The following ANKRD28 variants were observed in gnomAD, a reference collection of about 807,000 sequenced individuals.
ANKRD28 encodes the protein serine/threonine-protein phosphatase 6 regulatory ankyrin repeat subunit A.
ANKRD28 carries 44 observed loss-of-function variants against 126.5 expected under a neutral mutation model. The ratio of observed to expected loss-of-function variants is 0.35; its 90% CI spans 0.27 to 0.45. ANKRD28 has a LOEUF of 0.45. Among genes scored for constraint, ANKRD28 ranks in the 20% least tolerant of loss-of-function variants. The pLI, the probability that ANKRD28 is intolerant of heterozygous loss-of-function variation, is 1.00. For synonymous variants in ANKRD28, 442 were observed against 468.5 expected (o/e 0.94, Z 0.73); for missense variants, 1,110 against 1,316.6 (o/e 0.84, Z 2.43).
chr3:15,811,353 A>G (rs1008416594), intron 1 of ANKRD28, among the ~76,000 whole-genome samples: 6 of 152,214 alleles, frequency 3.9e-5, no homozygotes, highest in African/African-American at 1.4e-4. Flanking sequence ...TTGGTAGCTA[A>G]AAAAGCAGAA....
At chr3:15,783,663 G>C (rs1026491752) in intron 2 of ANKRD28, among the ~76,000 whole-genome samples, 53 of 152,014 alleles carry the variant, frequency 3.5e-4, no homozygotes, top group Non-Finnish European at 7.4e-4. Context: ...CATTACAATG[G>C]AATACTACTC....
intron 4 of ANKRD28, among the ~76,000 whole-genome samples, chr3:15,746,636 T>C (rs1165990063): frequency 1.3e-5 from 2 of 152,226 alleles, no homozygotes; most frequent in Non-Finnish European, 2.9e-5. Context: ...TGAGGACTTA[T>C]GCATCTATGC....
At position 15,669,668 on chromosome 3, in the gene ANKRD28, G is replaced by GT. The variant is rs2066170516; in HGVS notation, c.*601dup. ...ATACAGCATTGGAAGGCTTTCAGAT[G>GT]TTTTCTTAAAAAAAAAACAAAACCC... On this transcript the variant is annotated 3_prime_UTR_variant, in exon 28 of 28. Transcript: ENST00000683139. The GT allele has an allele frequency of 1.3e-5, 2 of 151,620 alleles. No homozygotes were observed. The highest frequency in any genetic ancestry group is 4.9e-5 in the African/African-American group (2 of 41,168). The allele number at this position is 151,620 out of a possible 1,614,324, so 9.4% of individuals were successfully genotyped here. A position where few individuals can be genotyped will look rare whatever the true frequency, so the allele number is the denominator to read the frequency against.
At chr3:15,760,581 A>C (rs2058405872) in intron 3 of ANKRD28, among the ~76,000 whole-genome samples, 1 of 152,218 alleles carries the variant, frequency 6.6e-6, no homozygotes, top group African/African-American at 2.4e-5. Context: ...GGAAAAAACC[A>C]TCCCAGAAAA....
At chr3:15,777,813 C>G (rs1219134457) in intron 2 of ANKRD28, among the ~76,000 whole-genome samples, 1 of 146,054 alleles carries the variant, frequency 6.8e-6, no homozygotes, top group East Asian at 2.0e-4. Context: ...GAGGGGCAAC[C>G]TGGACAGTTG....
At chr3:15,781,229 T>A (rs1462105344) in intron 2 of ANKRD28, among the ~76,000 whole-genome samples, 1 of 152,056 alleles carries the variant, frequency 6.6e-6, no homozygotes, top group African/African-American at 2.4e-5. Flanking sequence ...CTGTCATGAC[T>A]AATTTTAGGT....
At chr3:15,677,450 T>C (rs2067062115) in intron 25 of ANKRD28, 30 bp downstream of exon 25, 5 of 1,532,882 alleles carry the variant, frequency 3.3e-6, no homozygotes, top group Non-Finnish European at 4.5e-6. Context: ...ATATTAACAA[T>C]GGAAACATAT....
At position 15,669,000 on chromosome 3, in the gene ANKRD28, G is replaced by A. The variant is rs554679794; in HGVS notation, c.*1270C>T. The stretch of plus-strand genomic sequence containing the variant: ...CCACACAAATCTTTATTTAAAAGCC[G>A]AAATATCAGCCTTCTCTCTCTCTTT... On this transcript the variant is annotated 3_prime_UTR_variant, in exon 28 of 28. Coordinates refer to ENST00000683139, the MANE Select transcript of ANKRD28 (RefSeq NM_001349278.2). The A allele has an allele frequency of 2.6e-5, 4 of 152,676 alleles. No individual in the cohort carries two copies. Among genetic ancestry groups the A allele is most frequent in the East Asian group, 1.9e-4 (1 of 5,190 alleles). The allele number at this position is 152,676 out of a possible 1,614,324, so 9.5% of individuals were successfully genotyped here.
At chr3:15,745,900 T>G (rs1176086437) in intron 4 of ANKRD28, among the ~76,000 whole-genome samples, 1 of 152,176 alleles carries the variant, frequency 6.6e-6, no homozygotes, top group African/African-American at 2.4e-5. Context: ...GTTTTGTAGT[T>G]TTCCTTGTAG....
intron 2 of ANKRD28, among the ~76,000 whole-genome samples, chr3:15,773,052 A>C (rs563252994): frequency 7.8e-4 from 119 of 152,214 alleles, no homozygotes; most frequent in African/African-American, 2.8e-3. Flanking sequence ...AAAAGCAAAA[A>C]ATCTTATCAA....
chr3:15,738,249 C>T (rs766762160), intron 4 of ANKRD28, among the ~76,000 whole-genome samples: 1 of 151,880 alleles, frequency 6.6e-6, no homozygotes, highest in African/African-American at 2.4e-5. Context: ...GGAAAGAGTA[C>T]AAAAGAGAGA....
chr3:15,758,833 T>A (rs763824621), intron 3 of ANKRD28, among the ~76,000 whole-genome samples: 23 of 152,170 alleles, frequency 1.5e-4, no homozygotes, highest in Non-Finnish European at 2.8e-4. Flanking sequence ...ACACATACTT[T>A]AGGTTTCATT....
chr3:15,772,311 A>G (rs540247158), intron 2 of ANKRD28, among the ~76,000 whole-genome samples: 1 of 152,324 alleles, frequency 6.6e-6, no homozygotes, highest in East Asian at 1.9e-4. Context: ...GAATGATCAA[A>G]GGAAAAAATA....
upstream of ANKRD28, among the ~76,000 whole-genome samples, chr3:15,798,694 A>G (rs12714919): frequency 0.72 from 109,906 of 151,824 alleles, 40,009 homozygotes; most frequent in East Asian, 0.93. Flanking sequence ...AAAAGGGCAC[A>G]GGGTAATACA....
In ANKRD28 at chr3:15,833,009, T is replaced by A. The variant is rs1213108773; in HGVS notation, c.27+26368A>T. ...GTTCTTTGAGAAATCTCCATACTAT[T>A]TTCCATAAGGATTTTACTAACTTAC... On this transcript the variant is annotated intron_variant, in intron 1 of 27. Transcript: ENST00000399451. The surrounding 1 kb of genome is among the most constrained non-coding windows in gnomAD (Gnocchi z 4.4). Among the ~76,000 whole-genome samples, 1 of 152,218 alleles carries A rather than the reference T, an allele frequency of 6.6e-6. No homozygotes were observed. The highest frequency in any genetic ancestry group is 2.4e-5 in the African/African-American group (1 of 41,456).
At chr3:15,832,611 A>T (rs1176811404) in intron 1 of ANKRD28, among the ~76,000 whole-genome samples, 1 of 151,970 alleles carries the variant, frequency 6.6e-6, no homozygotes, top group African/African-American at 2.4e-5. Flanking sequence ...ACCCTTGCCC[A>T]CCTCCCACCT....
At chr3:15,727,564 CAAAAAAAA>C (rs59584114) in intron 6 of ANKRD28, among the ~76,000 whole-genome samples, 23 of 65,970 alleles carry the variant, frequency 3.5e-4, no homozygotes, top group African/African-American at 1.3e-3. Flanking sequence ...GAAACTCTGT[CAAAAAAAA>C]AAAAAAAAAA....
At chr3:15,823,781 A>G (rs1247601534) in intron 1 of ANKRD28, among the ~76,000 whole-genome samples, 4 of 152,250 alleles carry the variant, frequency 2.6e-5, no homozygotes, top group Non-Finnish European at 4.4e-5. Flanking sequence ...AATATTTAAT[A>G]TATCACATTA....
In ANKRD28 at chr3:15,814,140, T is replaced by C; in HGVS notation, c.28-18834A>G. ...CTAACTATTTACTCACATACAGTTATGTATGAAAGCTAAGTTACAAGGAGG... is the reference window on the plus strand; with the variant it reads ...CTAACTATTTACTCACATACAGTTACGTATGAAAGCTAAGTTACAAGGAGG... On this transcript the variant is annotated intron_variant, in intron 1 of 27. Transcript: ENST00000399451. This position sits in a 1 kb window ranked among gnomAD's most constrained non-coding sequence, Gnocchi z 4.7. 2.0e-6 allele frequency: 1 copy of C among 493,886 alleles called. No individual in the cohort carries two copies. Among genetic ancestry groups the C allele is most frequent in the Non-Finnish European group, 2.9e-6 (1 of 347,906 alleles). 30.6% of individuals were successfully genotyped at this position (493,886 alleles called of 1,614,324 possible).
Sources: gnomAD v4.1 joint callset for allele counts (sites outside exome capture counted in the v4.1 genomes callset) on GRCh38, gnomAD v4.1.1 for gene constraint, Gnocchi (gnomAD v3.1) non-coding constraint, MANE v1.5 for transcripts, NCBI Gene and HGNC (gene_info 2026-07-23, HGNC 2026-07-21) for gene names.